The following SLC4A10 variants were observed in gnomAD, a reference collection of about 807,000 sequenced individuals.
The protein encoded by SLC4A10 is solute carrier family 4 member 10, also known as sodium-driven chloride bicarbonate exchanger.
SLC4A10 carries 42 observed loss-of-function variants against 137.7 expected under a neutral mutation model. The ratio of observed to expected loss-of-function variants is 0.30; its 90% CI spans 0.24 to 0.39. The LOEUF (loss-of-function observed/expected upper bound fraction) is 0.39. Ranked by LOEUF, SLC4A10 falls within the 10% of genes least tolerant of loss-of-function variation. SLC4A10 has a pLI of 1.00. For missense variants in SLC4A10, 925 were observed against 1,355.0 expected, an observed-to-expected ratio of 0.68 and a Z score of 4.98; for synonymous variants, 474 against 464.1, an observed-to-expected ratio of 1.02 and a Z score of -0.27.
At chr2:161,886,902 A>C (rs1393433124) in intron 10 of SLC4A10, among the ~76,000 whole-genome samples, 4 of 152,048 alleles carry the variant, frequency 2.6e-5, no homozygotes, top group Non-Finnish European at 4.4e-5. Flanking sequence ...TCAACACGTC[A>C]TCTACATTAG....
chr2:161,927,964 C>A (rs1353118826), intron 15 of SLC4A10, among the ~76,000 whole-genome samples: 30 of 150,716 alleles, frequency 2.0e-4, no homozygotes, highest in Non-Finnish European at 3.0e-5. Context: ...GTCAGTGTGG[C>A]GATTCCTCAG....
intron 1 of SLC4A10, among the ~76,000 whole-genome samples, chr2:161,692,948 G>A (rs771871504): frequency 6.6e-6 from 1 of 151,428 alleles, no homozygotes; most frequent in Non-Finnish European, 1.5e-5. Flanking sequence ...AAATTGTATT[G>A]TTTTTAACAA....
At chr2:161,692,916 A>G (rs926563342) in intron 1 of SLC4A10, among the ~76,000 whole-genome samples, 1 of 123,894 alleles carries the variant, frequency 8.1e-6, no homozygotes, top group African/African-American at 3.1e-5. Flanking sequence ...GTAAATTGAC[A>G]AATCTTGGTG....
intron 1 of SLC4A10, among the ~76,000 whole-genome samples, chr2:161,753,855 G>T (rs1360539787): frequency 2.2e-5 from 3 of 134,750 alleles, no homozygotes; most frequent in African/African-American, 8.5e-5. Flanking sequence ...AATAACTCGA[G>T]TTATTTATTT....
chr2:161,851,519 A>G (rs573929484), intron 4 of SLC4A10, among the ~76,000 whole-genome samples: 40 of 152,250 alleles, frequency 2.6e-4, no homozygotes, highest in African/African-American at 9.1e-4. Flanking sequence ...CTTTTCTGAA[A>G]TAAAAACAGC....
At chr2:161,658,535 C>T (rs571419723) in intron 1 of SLC4A10, among the ~76,000 whole-genome samples, 10 of 150,954 alleles carry the variant, frequency 6.6e-5, no homozygotes, top group Admixed American at 6.6e-4. Flanking sequence ...TTATGACCAC[C>T]AACAAAAAGT....
chr2:161,640,448 C>T (rs183461388), intron 1 of SLC4A10, among the ~76,000 whole-genome samples: 1 of 152,238 alleles, frequency 6.6e-6, no homozygotes, highest in Non-Finnish European at 1.5e-5. Flanking sequence ...GATTGTATAC[C>T]AGTTTTCACT....
intron 3 of SLC4A10, among the ~76,000 whole-genome samples, chr2:161,817,414 C>T (rs1272225893): frequency 6.6e-6 from 1 of 152,146 alleles, no homozygotes; most frequent in Non-Finnish European, 1.5e-5. Context: ...CGAAAATTTT[C>T]TCCCATTTTG....
In SLC4A10 at chr2:161,977,849, T is replaced by C. The variant is rs1191991567; in HGVS notation, c.*26+89T>C. On this transcript the variant is annotated intron_variant, in intron 26 of 26. Coordinates refer to ENST00000446997, the MANE Select transcript of SLC4A10 (RefSeq NM_001178015.2). ...AGAAACCTGGTCAGTCTATGTCCTC[T>C]GTGTGAGTTTTGGGGAGGCAAAAGG... 11 of 1,286,420 alleles carry C rather than the reference T, an allele frequency of 8.6e-6. 1 individual carries two copies. The Admixed American group carries it at 1.6e-4, about 19-fold the overall frequency. The allele number at this position is 1,286,420 out of a possible 1,614,324, so 79.7% of individuals were successfully genotyped here. A position where few individuals can be genotyped will look rare whatever the true frequency, so the allele number is the denominator to read the frequency against.
chr2:161,881,450 T>C (rs1042948994), intron 9 of SLC4A10, among the ~76,000 whole-genome samples: 2 of 152,038 alleles, frequency 1.3e-5, no homozygotes, highest in Non-Finnish European at 2.9e-5. Flanking sequence ...AATTGTGTAA[T>C]ATTTGCCTCA....
At chr2:161,839,693 G>C in intron 3 of SLC4A10, 96 bp from the exon 4 acceptor site, 1 of 1,392,772 alleles carries the variant, frequency 7.2e-7, no homozygotes, top group Non-Finnish European at 9.9e-7. Flanking sequence ...GGGGTGGTGC[G>C]AGCTTGGGGT....
At chr2:161,974,736 T>C (rs2105973890) in intron 24 of SLC4A10, among the ~76,000 whole-genome samples, 1 of 152,320 alleles carries the variant, frequency 6.6e-6, no homozygotes, top group Non-Finnish European at 1.5e-5. Flanking sequence ...CATAATCTAT[T>C]TCTTAAGTGA....
intron 1 of SLC4A10, among the ~76,000 whole-genome samples, chr2:161,754,292 CA>C (rs2049340416): frequency 6.6e-6 from 1 of 152,044 alleles, no homozygotes; most frequent in Admixed American, 6.6e-5. Context: ...AGCCCATAAA[CA>C]GATTTAGATT....
At position 161,679,769 on chromosome 2, in the gene SLC4A10, T is replaced by A. The variant is rs1377767008; in HGVS notation, c.48+55203T>A. Among the ~76,000 whole-genome samples, 7 of 151,182 alleles carry A rather than the reference T, an allele frequency of 4.6e-5. No homozygotes were observed. In the East Asian group the frequency reaches 1.4e-3, roughly 29 times the overall value. Reference sequence around the variant, plus strand: ...GTGGCTTGTCTGCTTTTATTTTGAGTCCTCTTTTATTTATTATTTTATCAG... The same window carrying A: ...GTGGCTTGTCTGCTTTTATTTTGAGACCTCTTTTATTTATTATTTTATCAG... On this transcript the variant is annotated intron_variant, in intron 1 of 26. Coordinates refer to ENST00000446997, the MANE Select transcript of SLC4A10 (RefSeq NM_001178015.2).
chr2:161,723,591 T>C (rs2045920860), intron 1 of SLC4A10, among the ~76,000 whole-genome samples: 1 of 152,212 alleles, frequency 6.6e-6, no homozygotes, highest in Non-Finnish European at 1.5e-5. Context: ...TCAATCTTCC[T>C]CAAGGTGTGC....
intron 15 of SLC4A10, among the ~76,000 whole-genome samples, chr2:161,941,939 C>T (rs549957861): frequency 6.6e-6 from 1 of 152,182 alleles, no homozygotes; most frequent in African/African-American, 2.4e-5. Flanking sequence ...TCTATACTGC[C>T]CAACTCAGTT....
intron 1 of SLC4A10, among the ~76,000 whole-genome samples, chr2:161,675,691 T>C (rs2040205857): frequency 6.6e-6 from 1 of 152,170 alleles, no homozygotes; most frequent in African/African-American, 2.4e-5. Context: ...TATAATTCCA[T>C]GGACCTTTTT....
intron 21 of SLC4A10, among the ~76,000 whole-genome samples, chr2:161,962,868 T>C (rs1223723666): frequency 6.6e-6 from 1 of 152,164 alleles, no homozygotes; most frequent in Non-Finnish European, 1.5e-5. Context: ...TTTGACTCAA[T>C]GGACAACTGT....
intron 1 of SLC4A10, among the ~76,000 whole-genome samples, chr2:161,662,864 T>C (rs1190548648): frequency 2.0e-5 from 3 of 152,182 alleles, no homozygotes; most frequent in African/African-American, 4.8e-5. Context: ...GTCCATTGTG[T>C]TTTGAAGTGG....
Sources: allele counts gnomAD v4.1 joint callset (sites outside exome capture counted in the v4.1 genomes callset), GRCh38; gene constraint gnomAD v4.1.1; transcripts MANE v1.5; gene names NCBI Gene and HGNC (gene_info 2026-07-23, HGNC 2026-07-21).